The following TENM4 variants were observed in gnomAD, a reference collection of about 807,000 sequenced individuals.
TENM4 encodes teneurin-4.
Under a neutral mutation model 243.3 loss-of-function variants are expected in TENM4, and 82 were observed. The observed-to-expected ratio is 0.34, with a 90% confidence interval of 0.28 to 0.40. The LOEUF (loss-of-function observed/expected upper bound fraction) is 0.40, where lower values mean the gene tolerates loss of function less well. Among genes scored for constraint, TENM4 ranks in the 10% least tolerant of loss-of-function variants. The probability of loss-of-function intolerance (pLI) is 1.00; values close to 1 mark genes in which losing one functional copy is unlikely to be tolerated. For missense variants in TENM4, 3,138 were observed against 3,673.3 expected, an observed-to-expected ratio of 0.85 and a Z score of 3.77; for synonymous variants, 1,412 against 1,456.3, an observed-to-expected ratio of 0.97 and a Z score of 0.69.
intron 20 of TENM4, 68 bp from the exon 21 acceptor site, chr11:78,732,645 A>G: frequency 1.3e-6 from 2 of 1,488,460 alleles, no homozygotes; most frequent in Non-Finnish European, 1.8e-6. Flanking sequence ...TGAGAAAGAG[A>G]GAGACAAAGA....
chr11:78,829,639 TG>T (rs991231948), intron 12 of TENM4, among the ~76,000 whole-genome samples: 19 of 152,314 alleles, frequency 1.2e-4, no homozygotes, highest in Admixed American at 1.2e-3. Flanking sequence ...AATTCTACTT[TG>T]CTATCTCCTT....
intron 1 of TENM4, among the ~76,000 whole-genome samples, chr11:79,437,605 C>A (rs1315666214): frequency 6.6e-6 from 1 of 152,206 alleles, no homozygotes; most frequent in Admixed American, 6.5e-5. Flanking sequence ...CGGCGGAGAG[C>A]GCGAGGGAGT....
intron 3 of TENM4, among the ~76,000 whole-genome samples, chr11:79,161,877 G>T (rs145902561): frequency 4.5e-4 from 68 of 152,262 alleles, no homozygotes; most frequent in African/African-American, 1.6e-3. Flanking sequence ...ACCCAAGTGC[G>T]CACTTAGACA....
At chr11:78,843,394 G>GA (rs1237948043) in intron 12 of TENM4, among the ~76,000 whole-genome samples, 1 of 151,946 alleles carries the variant, frequency 6.6e-6, no homozygotes, top group African/African-American at 2.4e-5. Flanking sequence ...GGCTGAGGTA[G>GA]AAGGATTGCT....
chr11:79,245,661 C>T (rs772180747), intron 2 of TENM4, among the ~76,000 whole-genome samples: 5 of 152,126 alleles, frequency 3.3e-5, no homozygotes, highest in African/African-American at 1.2e-4. Flanking sequence ...AACAATTGGC[C>T]GGGTGCAGTG....
At chr11:79,287,573 T>C (rs1429488160) in intron 2 of TENM4, among the ~76,000 whole-genome samples, 1 of 152,202 alleles carries the variant, frequency 6.6e-6, no homozygotes, top group Non-Finnish European at 1.5e-5. Context: ...CCATCATTTA[T>C]AGAGCACCTA....
intron 4 of TENM4, among the ~76,000 whole-genome samples, chr11:79,137,814 G>A (rs1862140325): frequency 1.3e-5 from 2 of 152,062 alleles, no homozygotes. Context: ...TTGTATGAAG[G>A]ATTGTTGTTT....
intron 2 of TENM4, among the ~76,000 whole-genome samples, chr11:79,254,778 T>A (rs1230833890): frequency 6.6e-6 from 1 of 152,148 alleles, no homozygotes; most frequent in African/African-American, 2.4e-5. Flanking sequence ...GCAGCTGGTG[T>A]ACAGGAAAGG....
chr11:79,395,344 T>G (rs534396217), intron 1 of TENM4, among the ~76,000 whole-genome samples: 1 of 152,258 alleles, frequency 6.6e-6, no homozygotes, highest in African/African-American at 2.4e-5. Flanking sequence ...CCTACTATAT[T>G]CCAGGGCCAG....
At chr11:79,024,843 A>G (rs1859033645) in intron 6 of TENM4, among the ~76,000 whole-genome samples, 1 of 152,254 alleles carries the variant, frequency 6.6e-6, no homozygotes, top group Admixed American at 6.5e-5. Flanking sequence ...CAGAGGAGCC[A>G]AACAGTTTGG....
At chr11:79,351,818 T>C (rs1054390578) in intron 1 of TENM4, among the ~76,000 whole-genome samples, 1 of 152,182 alleles carries the variant, frequency 6.6e-6, no homozygotes, top group African/African-American at 2.4e-5. Context: ...CATCCCTTTT[T>C]TCTGTTGAGG....
chr11:79,043,153 T>C (rs1319215273), intron 6 of TENM4, among the ~76,000 whole-genome samples: 1 of 152,180 alleles, frequency 6.6e-6, no homozygotes, highest in African/African-American at 2.4e-5. Context: ...CTCCAACACA[T>C]TGTTGGATTC....
At chr11:79,038,128 G>C (rs1031294137) in intron 6 of TENM4, among the ~76,000 whole-genome samples, 3 of 152,228 alleles carry the variant, frequency 2.0e-5, no homozygotes, top group Non-Finnish European at 4.4e-5. Context: ...GTTCATCATT[G>C]TATTCCCAAT....
chr11:79,007,481 G>A (rs1346736026), intron 6 of TENM4, among the ~76,000 whole-genome samples: 4 of 152,132 alleles, frequency 2.6e-5, no homozygotes, highest in Non-Finnish European at 5.9e-5. Flanking sequence ...GAAAGCAGTG[G>A]CTGTGTCAGG....
intron 2 of TENM4, among the ~76,000 whole-genome samples, chr11:79,238,611 G>A (rs534443885): frequency 3.3e-4 from 50 of 152,276 alleles, no homozygotes; most frequent in African/African-American, 1.2e-3. Context: ...GAAGGTGGCA[G>A]ATCATGGGTC....
chr11:78,774,949 T>A (rs1328512940), intron 17 of TENM4, among the ~76,000 whole-genome samples: 6 of 152,110 alleles, frequency 3.9e-5, no homozygotes, highest in African/African-American at 1.4e-4. Context: ...CCAGGAAGGG[T>A]TTAAAATAGG....
intron 6 of TENM4, among the ~76,000 whole-genome samples, chr11:79,037,163 G>GT (rs1859410957): frequency 6.6e-6 from 1 of 152,218 alleles, no homozygotes; most frequent in Non-Finnish European, 1.5e-5. Context: ...GAGGGACAGC[G>GT]TGGAGTGGTG....
chr11:79,036,401 G>C (rs367661908), intron 6 of TENM4, among the ~76,000 whole-genome samples: 2 of 152,236 alleles, frequency 1.3e-5, no homozygotes, highest in African/African-American at 4.8e-5. Context: ...TGGTGGTATG[G>C]GGATCCCTGG....
At chr11:78,916,369 C>T (rs763779234) in intron 6 of TENM4, among the ~76,000 whole-genome samples, 5 of 152,086 alleles carry the variant, frequency 3.3e-5, no homozygotes, top group Non-Finnish European at 7.4e-5. Context: ...CTTGGAATTA[C>T]ATCTAATTAA....
Sources: allele counts gnomAD v4.1 joint callset (sites outside exome capture counted in the v4.1 genomes callset), GRCh38; gene constraint gnomAD v4.1.1; transcripts MANE v1.5; gene names NCBI Gene and HGNC (gene_info 2026-07-23, HGNC 2026-07-21).